RAB11FIP3: variants seen among roughly 807,000 people sequenced by gnomAD.
RAB11FIP3 encodes the protein rab11 family-interacting protein 3.
In RAB11FIP3, 17 loss-of-function variants were observed where a neutral mutation model predicts 77.8. That is an observed-to-expected ratio of 0.22 (90% CI 0.15 to 0.33). The LOEUF is 0.33. Ranked by LOEUF, RAB11FIP3 falls within the 10% of genes least tolerant of loss-of-function variation. The pLI is 1.00. For missense variants in RAB11FIP3, 1,005 were observed against 1,011.2 expected, an observed-to-expected ratio of 0.99 and a Z score of 0.08; for synonymous variants, 437 against 448.2, an observed-to-expected ratio of 0.98 and a Z score of 0.31.
At chr16:463,430 G>GTTTTTTTTTTTTTTTTT (rs142875972) in intron 2 of RAB11FIP3, among the ~76,000 whole-genome samples, 1 of 82,260 alleles carries the variant, frequency 1.2e-5, no homozygotes, top group Non-Finnish European at 2.3e-5. Flanking sequence ...TTGTTCCCCG[G>GTTTTTTTTTTTTTTTTT]TTTTTTTTTT....
intron 2 of RAB11FIP3, among the ~76,000 whole-genome samples, chr16:464,407 A>C (rs9934520): frequency 0.6 from 91,013 of 152,040 alleles, 27,429 homozygotes; most frequent in Middle Eastern, 0.67. Context: ...CGTCTCACAT[A>C]CTGTGCCTTG....
chr16:462,740 C>G (rs2055633687), intron 2 of RAB11FIP3, among the ~76,000 whole-genome samples: 1 of 147,084 alleles, frequency 6.8e-6, no homozygotes, highest in Admixed American at 6.8e-5. Context: ...AGCACCATCC[C>G]TTCCCCAGCA....
At chr16:470,096 A>G (rs1280958306) in intron 2 of RAB11FIP3, among the ~76,000 whole-genome samples, 1 of 151,774 alleles carries the variant, frequency 6.6e-6, no homozygotes, top group Non-Finnish European at 1.5e-5. Flanking sequence ...TCCCAGGTTC[A>G]AGTGATTCTC....
chr16:432,474 T>G (rs924797889), intron 1 of RAB11FIP3, among the ~76,000 whole-genome samples: 1 of 152,072 alleles, frequency 6.6e-6, no homozygotes, highest in African/African-American at 2.4e-5. Flanking sequence ...TTAATATCAT[T>G]AAGAGATAAT....
intron 2 of RAB11FIP3, among the ~76,000 whole-genome samples, chr16:470,799 A>C (rs2055794434): frequency 6.6e-6 from 1 of 152,204 alleles, no homozygotes; most frequent in African/African-American, 2.4e-5. Flanking sequence ...GAAGATAAGC[A>C]AAAAAAGAAA....
At chr16:490,852 C>T (rs1177593640) in intron 5 of RAB11FIP3, among the ~76,000 whole-genome samples, 1 of 152,214 alleles carries the variant, frequency 6.6e-6, no homozygotes, top group African/African-American at 2.4e-5. Context: ...GGCTCTCAGG[C>T]TGCCCCTGCT....
At chr16:510,183 C>A (rs969358164) in intron 8 of RAB11FIP3, among the ~76,000 whole-genome samples, 1 of 150,502 alleles carries the variant, frequency 6.6e-6, no homozygotes, top group Non-Finnish European at 1.5e-5. Context: ...CCCGAGTCCC[C>A]GTGCCTCTGG....
intron 1 of RAB11FIP3, among the ~76,000 whole-genome samples, chr16:460,772 C>T (rs2141647966): frequency 6.6e-6 from 1 of 152,282 alleles, no homozygotes; most frequent in South Asian, 2.1e-4. Flanking sequence ...AACTGATCTC[C>T]CCACGTAAGA....
intron 1 of RAB11FIP3, among the ~76,000 whole-genome samples, chr16:458,901 T>G (rs1298369605): frequency 6.6e-6 from 1 of 152,194 alleles, no homozygotes; most frequent in African/African-American, 2.4e-5. Context: ...CATATGAAAG[T>G]GGAGAGTAGT....
At chr16:493,014 G>C (rs542898196) in intron 5 of RAB11FIP3, among the ~76,000 whole-genome samples, 1 of 152,298 alleles carries the variant, frequency 6.6e-6, no homozygotes, top group South Asian at 2.1e-4. Flanking sequence ...TTGGGAGGCT[G>C]AGGAGGCAGG....
chr16:519,765 G>A lies in RAB11FIP3; in HGVS notation c.1734G>A (p.Lys578=). 6.2e-7 allele frequency: 1 copy of A among 1,612,740 alleles called. No individual in the cohort carries two copies. ...GTCCACCCCTGCAGGAGAAGCAGAA[G>A]CTGTTGGATGAGATAGAGTCGCTGA... The part of the protein sequence containing the change: ...NIERLEEEKQ[K]LLDEIESLTL... The change falls in exon 11 of 14, where the codon AAG becomes AAA. Residue 578 remains lysine, a synonymous_variant. Transcript: ENST00000262305.
chr16:484,567 G>A (rs913283295), intron 4 of RAB11FIP3, among the ~76,000 whole-genome samples: 8 of 152,166 alleles, frequency 5.3e-5, no homozygotes, highest in South Asian at 2.1e-4. Flanking sequence ...TGGTCAGGCT[G>A]GTCTCCAACC....
At chr16:492,362 T>TCCCGGGGGACCCGAGGCCGCCCAGAGCCC (rs2030354690) in intron 5 of RAB11FIP3, among the ~76,000 whole-genome samples, 3 of 63,628 alleles carry the variant, frequency 4.7e-5, no homozygotes, top group East Asian at 4.7e-4. Context: ...GAAGAGGGTC[T>TCCCGGGGGACCCGAGGCCGCCCAGAGCCC]TCCCGGGAGA....
intron 3 of RAB11FIP3, among the ~76,000 whole-genome samples, chr16:475,861 TTAAATTG>T (rs1483725440): frequency 2.0e-5 from 3 of 151,984 alleles, no homozygotes; most frequent in African/African-American, 7.3e-5. Context: ...TTTTTATTTT[TTAAATTG>T]TTTTTTGAGA....
At chr16:480,285 C>CAAAAAAAAA (rs2056009908) in intron 3 of RAB11FIP3, among the ~76,000 whole-genome samples, 1 of 29,168 alleles carries the variant, frequency 3.4e-5, no homozygotes, top group African/African-American at 1.1e-4. Context: ...AACTCCTTCT[C>CAAAAAAAAA]CAAAAAAAAA....
intron 6 of RAB11FIP3, chr16:497,588 C>A: frequency 2.8e-6 from 2 of 725,108 alleles, no homozygotes; most frequent in Non-Finnish European, 3.7e-6. Flanking sequence ...CCCTGTTGTG[C>A]CGGGCGTTCT....
intron 8 of RAB11FIP3, among the ~76,000 whole-genome samples, chr16:509,665 G>A (rs1477925419): frequency 6.6e-6 from 1 of 152,168 alleles, no homozygotes; most frequent in Non-Finnish European, 1.5e-5. Flanking sequence ...GCTGACACCT[G>A]CCCTGCCTCT....
At chr16:488,468 G>A (rs1191906420) in intron 4 of RAB11FIP3, among the ~76,000 whole-genome samples, 2 of 152,066 alleles carry the variant, frequency 1.3e-5, no homozygotes, top group East Asian at 1.9e-4. Flanking sequence ...GAGTGTAGTG[G>A]CATCATCACT....
At chr16:446,193 A>T (rs1018495020) in intron 1 of RAB11FIP3, among the ~76,000 whole-genome samples, 5 of 152,082 alleles carry the variant, frequency 3.3e-5, no homozygotes, top group Non-Finnish European at 5.9e-5. Flanking sequence ...GCAGTGAGCC[A>T]TGATCACTCC....
Sources: allele counts gnomAD v4.1 joint callset (sites outside exome capture counted in the v4.1 genomes callset), GRCh38; gene constraint gnomAD v4.1.1; transcripts MANE v1.5; gene names NCBI Gene and HGNC (gene_info 2026-07-23, HGNC 2026-07-21).